GRM8: variants seen among roughly 807,000 people sequenced by gnomAD.
GRM8 encodes the protein metabotropic glutamate receptor 8.
GRM8 carries 47 observed loss-of-function variants against 87.2 expected under a neutral mutation model. The ratio of observed to expected loss-of-function variants is 0.54; its 90% CI spans 0.43 to 0.69. GRM8 has a LOEUF of 0.69. Ranked by LOEUF, GRM8 falls within the 30% of genes least tolerant of loss-of-function variation. The pLI is 0.00. For synonymous variants in GRM8, 396 were observed against 404.5 expected, an observed-to-expected ratio of 0.98 and a Z score of 0.25; for missense variants, 1,019 against 1,139.2, an observed-to-expected ratio of 0.89 and a Z score of 1.52.
At chr7:126,983,893 T>C (rs1270371719) in intron 3 of GRM8, among the ~76,000 whole-genome samples, 1 of 152,200 alleles carries the variant, frequency 6.6e-6, no homozygotes, top group Non-Finnish European at 1.5e-5. Context: ...AAGAGTGTAG[T>C]CATCAATACC....
At chr7:127,050,138 G>T (rs1819324440) in intron 3 of GRM8, among the ~76,000 whole-genome samples, 1 of 152,210 alleles carries the variant, frequency 6.6e-6, no homozygotes, top group South Asian at 2.1e-4. Flanking sequence ...TGGACTGGAA[G>T]GGAACAAGAA....
At chr7:126,891,930 C>T (rs972971667) in intron 6 of GRM8, among the ~76,000 whole-genome samples, 1 of 147,476 alleles carries the variant, frequency 6.8e-6, no homozygotes, top group African/African-American at 2.5e-5. Flanking sequence ...TTTAAGGAAG[C>T]CTATTTGTGC....
intron 3 of GRM8, among the ~76,000 whole-genome samples, chr7:127,033,032 G>A (rs534910718): frequency 6.3e-4 from 84 of 133,126 alleles, no homozygotes; most frequent in African/African-American, 2.2e-3. Flanking sequence ...TTCTAACATG[G>A]TATCTTGTTT....
intron 6 of GRM8, among the ~76,000 whole-genome samples, chr7:126,794,193 A>G (rs1821696275): frequency 6.6e-6 from 1 of 152,154 alleles, no homozygotes; most frequent in Non-Finnish European, 1.5e-5. Flanking sequence ...CCTTAGCACT[A>G]GCAGTGTCAA....
intron 3 of GRM8, among the ~76,000 whole-genome samples, chr7:126,963,848 A>G (rs1258316910): frequency 1.3e-5 from 2 of 152,122 alleles, no homozygotes; most frequent in Admixed American, 1.3e-4. Context: ...AAAAGAGCCC[A>G]CATAGCCAAG....
chr7:126,914,392 C>A (rs1250552903), intron 3 of GRM8, among the ~76,000 whole-genome samples: 2 of 152,148 alleles, frequency 1.3e-5, no homozygotes, highest in Non-Finnish European at 2.9e-5. Flanking sequence ...ACAGAACTAC[C>A]ATTCAACCCA....
chr7:126,789,004 A>C (rs1322032603), intron 6 of GRM8, among the ~76,000 whole-genome samples: 2 of 152,306 alleles, frequency 1.3e-5, no homozygotes, highest in East Asian at 3.9e-4. Context: ...AAGAGAAAGG[A>C]GAAATAGAGC....
intron 9 of GRM8, among the ~76,000 whole-genome samples, chr7:126,460,514 C>A (rs934854004): frequency 6.6e-6 from 1 of 151,518 alleles, no homozygotes; most frequent in African/African-American, 2.4e-5. Flanking sequence ...AGGCTTTGAC[C>A]AGTACTCATA....
intron 6 of GRM8, among the ~76,000 whole-genome samples, chr7:126,820,971 C>G (rs560305158): frequency 1.3e-5 from 2 of 152,286 alleles, no homozygotes; most frequent in Non-Finnish European, 2.9e-5. Flanking sequence ...CATGGTGGCA[C>G]ACACCTGTAG....
chr7:127,251,671 C>T (rs1248674300), intron 1 of GRM8, among the ~76,000 whole-genome samples: 2 of 151,424 alleles, frequency 1.3e-5, no homozygotes, highest in Non-Finnish European at 2.9e-5. Flanking sequence ...GCAGCCTCCG[C>T]CCCCGCCGCA....
Position 126,618,827 on chromosome 7 carries a change from C to T in GRM8, c.1358-9329G>A, listed in dbSNP as rs192209901. ...TGCAAATCAAAACCACAATGAGATACCATCTGACACCAGTTAGAATGGCGA... is the reference window on the plus strand; with the variant it reads ...TGCAAATCAAAACCACAATGAGATATCATCTGACACCAGTTAGAATGGCGA... On this transcript the variant is annotated intron_variant, in intron 7 of 10. Coordinates refer to ENST00000339582, the MANE Select transcript of GRM8 (RefSeq NM_000845.3). Among the ~76,000 whole-genome samples, 814 of 152,268 alleles carry T rather than the reference C, an allele frequency of 5.3e-3. 5 individuals are homozygous for T. The highest frequency in any genetic ancestry group is 8.9e-3 in the Non-Finnish European group (605 of 68,022).
At chr7:126,768,510 G>T (rs989404186) in intron 7 of GRM8, among the ~76,000 whole-genome samples, 2 of 151,638 alleles carry the variant, frequency 1.3e-5, no homozygotes, top group Non-Finnish European at 2.9e-5. Context: ...TATAATAATT[G>T]AAGTCATCAA....
At chr7:126,836,737 T>C (rs1030891953) in intron 6 of GRM8, among the ~76,000 whole-genome samples, 6 of 152,210 alleles carry the variant, frequency 3.9e-5, no homozygotes, top group African/African-American at 9.6e-5. Flanking sequence ...CAGAGTATGC[T>C]CTATTCTTCC....
chr7:127,102,765 A>G (rs1825420296), intron 3 of GRM8, among the ~76,000 whole-genome samples: 1 of 152,200 alleles, frequency 6.6e-6, no homozygotes, highest in African/African-American at 2.4e-5. Context: ...GAAAACCTCT[A>G]CAAGGGCAGT....
chr7:126,805,697 A>G (rs564140360), intron 6 of GRM8, among the ~76,000 whole-genome samples: 2 of 152,196 alleles, frequency 1.3e-5, no homozygotes, highest in African/African-American at 4.8e-5. Context: ...TCTGTTTGGT[A>G]CCCAAGTTTT....
intron 3 of GRM8, among the ~76,000 whole-genome samples, chr7:127,073,399 T>TA (rs925916602): frequency 4.6e-5 from 7 of 152,134 alleles, no homozygotes; most frequent in Admixed American, 4.6e-4. Context: ...AGGATGCTTA[T>TA]AATGGTTGCA....
chr7:126,638,232 T>G (rs1040402372), intron 7 of GRM8, among the ~76,000 whole-genome samples: 5 of 152,126 alleles, frequency 3.3e-5, no homozygotes, highest in Non-Finnish European at 7.4e-5. Context: ...TAATAACACT[T>G]CTTCTTTCCC....
At position 126,453,293 on chromosome 7, in the gene GRM8, A is replaced by G. The variant is rs75914378; in HGVS notation, c.2431-6921T>C. Among the ~76,000 whole-genome samples, 601 of 151,828 alleles carry G rather than the reference A, an allele frequency of 4.0e-3. 4 individuals carry two copies. The highest frequency in any genetic ancestry group is 0.013 in the African/African-American group (556 of 41,482). On this transcript the variant is annotated intron_variant, in intron 9 of 10. Coordinates refer to ENST00000339582, the MANE Select transcript of GRM8 (RefSeq NM_000845.3). ...GCTGACCCAGCAGCAGGTCAGATAC[A>G]TTGCACTGTGTTTTCATTAGTGGAG...
chr7:127,101,660 C>A (rs1332478218), intron 3 of GRM8, among the ~76,000 whole-genome samples: 1 of 152,204 alleles, frequency 6.6e-6, no homozygotes, highest in Non-Finnish European at 1.5e-5. Flanking sequence ...CCTGTACAGC[C>A]TGCAGAACCA....
Sources: allele counts gnomAD v4.1 joint callset (sites outside exome capture counted in the v4.1 genomes callset), GRCh38; gene constraint gnomAD v4.1.1; transcripts MANE v1.5; gene names NCBI Gene and HGNC (gene_info 2026-07-23, HGNC 2026-07-21).